The following TUT4 variants were observed in gnomAD, a reference collection of about 807,000 sequenced individuals.
The protein encoded by TUT4 is terminal uridylyltransferase 4.
TUT4 carries 36 observed loss-of-function variants against 192.2 expected under a neutral mutation model. The observed-to-expected ratio is 0.19, with a 90% confidence interval of 0.14 to 0.25. TUT4 has a LOEUF of 0.25. Among genes scored for constraint, TUT4 ranks in the 10% least tolerant of loss-of-function variants. TUT4 has a pLI of 1.00. For missense variants in TUT4, 1,493 were observed against 1,957.2 expected (o/e 0.76, Z 4.47); for synonymous variants, 618 against 666.0 (o/e 0.93, Z 1.11).
intron 4 of TUT4, among the ~76,000 whole-genome samples, chr1:52,502,526 C>T (rs1315024064): frequency 1.3e-5 from 2 of 151,930 alleles, no homozygotes; most frequent in Non-Finnish European, 2.9e-5. Flanking sequence ...TCCTTCTTTA[C>T]CCACTCAGTA....
At chr1:52,537,650 T>C (rs1165022137) in intron 1 of TUT4, among the ~76,000 whole-genome samples, 1 of 152,212 alleles carries the variant, frequency 6.6e-6, no homozygotes, top group Non-Finnish European at 1.5e-5. Flanking sequence ...CGGTGGCTCA[T>C]GCCTGTAATC....
At chr1:52,453,012 G>A (rs1436593126) in intron 20 of TUT4, among the ~76,000 whole-genome samples, 1 of 152,154 alleles carries the variant, frequency 6.6e-6, no homozygotes, top group Non-Finnish European at 1.5e-5. Flanking sequence ...TGCTTGCTTG[G>A]TATATGGGGA....
At chr1:52,533,102 T>C (rs1239347119) in intron 1 of TUT4, among the ~76,000 whole-genome samples, 1 of 152,224 alleles carries the variant, frequency 6.6e-6, no homozygotes, top group East Asian at 1.9e-4. Flanking sequence ...ACCCAGGTCA[T>C]GTCCACTCAG....
chr1:52,530,040 G>A lies in TUT4; in HGVS notation c.-93-3667C>T, dbSNP rs151043191. ...GTATTTTTTGTAGAGACAGGATTTC[G>A]CTATCTCACCCAGGCTGGTTTCGAA... On this transcript the variant is annotated intron_variant, in intron 1 of 29. Transcript: ENST00000257177. Among the ~76,000 whole-genome samples, 336 of 152,070 alleles carry A rather than the reference G, an allele frequency of 2.2e-3. 2 individuals carry two copies. The highest frequency in any genetic ancestry group is 3.5e-3 in the Non-Finnish European group (238 of 67,976).
chr1:52,446,240 G>T (rs1236719227), intron 22 of TUT4, 25 bp downstream of exon 22: 12 of 1,588,326 alleles, frequency 7.6e-6, no homozygotes, highest in East Asian at 2.2e-5. Context: ...GGTTGCTCCT[G>T]AATTAATATC....
chr1:52,518,037 C>A (rs778588189), intron 2 of TUT4, among the ~76,000 whole-genome samples: 3 of 152,046 alleles, frequency 2.0e-5, no homozygotes, highest in Non-Finnish European at 4.4e-5. Flanking sequence ...CAAAATAATA[C>A]CAGGCAGAAC....
In TUT4 at chr1:52,461,619, A is replaced by G; in HGVS notation, c.3128-3T>C. 1 of 1,596,372 alleles carries G rather than the reference A, an allele frequency of 6.3e-7. No individual in the cohort carries two copies. The highest frequency in any genetic ancestry group is 8.5e-7 in the Non-Finnish European group (1 of 1,173,578). On this transcript the variant is annotated splice_polypyrimidine_tract_variant and splice_region_variant and intron_variant, in intron 17 of 29. Coordinates refer to ENST00000257177, the MANE Select transcript of TUT4 (RefSeq NM_001009881.3). ...TATAGGCAAAATGTTTCTTAAACCT[A>G]ATTTAAAAAAAAAAGACTTCAGTAG...
chr1:52,437,512 A>G (rs944691617), intron 25 of TUT4: 1 of 152,694 alleles, frequency 6.5e-6, no homozygotes, highest in Non-Finnish European at 1.5e-5. Flanking sequence ...ACAGCATGTT[A>G]TCTCAAGAAT....
intron 2 of TUT4, among the ~76,000 whole-genome samples, chr1:52,520,954 G>A (rs545961030): frequency 3.9e-5 from 6 of 152,034 alleles, no homozygotes; most frequent in East Asian, 1.9e-4. Context: ...CACCATACCT[G>A]GCTAGTTTTT....
chr1:52,486,726 TTTTG>T (rs1322309785), intron 9 of TUT4, among the ~76,000 whole-genome samples: 2 of 152,124 alleles, frequency 1.3e-5, no homozygotes, highest in Admixed American at 6.5e-5. Flanking sequence ...CTACAACCAG[TTTTG>T]TAATATATGT....
At chr1:52,504,913 T>A (rs1054213372) in intron 4 of TUT4, among the ~76,000 whole-genome samples, 4 of 152,232 alleles carry the variant, frequency 2.6e-5, no homozygotes, top group Admixed American at 6.5e-5. Context: ...AGAATTTCCA[T>A]CCTTTTTAAG....
chr1:52,490,947 A>G, intron 7 of TUT4, 146 bp from the exon 8 acceptor site: 1 of 682,452 alleles, frequency 1.5e-6, no homozygotes, highest in Non-Finnish European at 2.4e-6. Context: ...GCACCAACCC[A>G]GCGAAATCTC....
chr1:52,542,796 T>C (rs1687064291), intron 1 of TUT4, among the ~76,000 whole-genome samples: 1 of 151,916 alleles, frequency 6.6e-6, no homozygotes, highest in Non-Finnish European at 1.5e-5. Flanking sequence ...AGTTTCACTC[T>C]TGTTGCCCAG....
intron 19 of TUT4, among the ~76,000 whole-genome samples, chr1:52,459,471 C>T (rs939669273): frequency 6.6e-6 from 1 of 152,052 alleles, no homozygotes; most frequent in African/African-American, 2.4e-5. Flanking sequence ...CGCCTGTAGT[C>T]CTGGCTACTC....
In TUT4 at chr1:52,492,005, T is replaced by C. The variant is rs115602086; in HGVS notation, c.1319-1204A>G. On this transcript the variant is annotated intron_variant, in intron 7 of 29. Coordinates refer to ENST00000257177, the MANE Select transcript of TUT4 (RefSeq NM_001009881.3). ...TCAGACTGAGTTTTATAAGCCTACA[T>C]TGTATGACTTAAGATAATCTACTTA... Among the ~76,000 whole-genome samples, 212 of 152,282 alleles carry C rather than the reference T, an allele frequency of 1.4e-3. 2 individuals are homozygous for C. Among genetic ancestry groups the C allele is most frequent in the African/African-American group, 5.0e-3 (208 of 41,568 alleles).
chr1:52,426,510 AC>A (rs1285190950), intron 28 of TUT4, among the ~76,000 whole-genome samples: 1 of 152,158 alleles, frequency 6.6e-6, no homozygotes, highest in Non-Finnish European at 1.5e-5. Flanking sequence ...TATTCACTAA[AC>A]TTCTCAGCAG....
chr1:52,512,764 T>G (rs961727607), intron 3 of TUT4, among the ~76,000 whole-genome samples: 1 of 152,156 alleles, frequency 6.6e-6, no homozygotes, highest in Non-Finnish European at 1.5e-5. Flanking sequence ...CATTCAACCA[T>G]AGGAAAATTT....
At chr1:52,509,851 AAAGT>A (rs1187202826) in intron 3 of TUT4, 139 bp from the exon 4 acceptor site, 5 of 676,712 alleles carry the variant, frequency 7.4e-6, no homozygotes, top group Non-Finnish European at 1.3e-5. Context: ...TCCTTCTTCT[AAAGT>A]AATAGTTTTT....
intron 16 of TUT4, chr1:52,463,470 A>T: frequency 9.5e-7 from 1 of 1,051,386 alleles, no homozygotes; most frequent in Non-Finnish European, 1.2e-6. Context: ...CGGGTCTAAC[A>T]ATTTCAAAAC....
Sources: allele counts gnomAD v4.1 joint callset (sites outside exome capture counted in the v4.1 genomes callset), GRCh38; gene constraint gnomAD v4.1.1; transcripts MANE v1.5; gene names NCBI Gene and HGNC (gene_info 2026-07-23, HGNC 2026-07-21).